The following DDHD2 variants were observed in gnomAD, a reference collection of about 807,000 sequenced individuals.
The protein encoded by DDHD2 is triacylglycerol hydrolase DDHD2.
DDHD2 carries 62 observed loss-of-function variants against 91.2 expected under a neutral mutation model. That is an observed-to-expected ratio of 0.68 (90% CI 0.55 to 0.84). The LOEUF is 0.84. DDHD2 is among the 40% of genes least tolerant of loss of function. DDHD2 has a pLI of 0.00. For missense variants in DDHD2, 740 were observed against 846.9 expected, an observed-to-expected ratio of 0.87 and a Z score of 1.57; for synonymous variants, 271 against 293.9, an observed-to-expected ratio of 0.92 and a Z score of 0.80.
In DDHD2 at chr8:38,258,196, T is replaced by A. The variant is rs16887292; in HGVS notation, c.2055-1844T>A. ...TCTTTGATTCAGATTCAGGTCCTTT[T>A]TTCCCCACGTCTCAACACTATTAAT... On this transcript the variant is annotated intron_variant, in intron 16 of 17. Coordinates refer to ENST00000397166, the MANE Select transcript of DDHD2 (RefSeq NM_015214.3). 9.2e-3 allele frequency among the ~76,000 whole-genome samples: 1,401 copies of A among 152,264 alleles called. 64 individuals carry two copies. In the East Asian group the frequency reaches 0.11, roughly 12 times the overall value.
intron 3 of DDHD2, among the ~76,000 whole-genome samples, chr8:38,236,548 T>G (rs1260397173): frequency 6.7e-6 from 1 of 150,334 alleles, no homozygotes; most frequent in Admixed American, 6.6e-5. Flanking sequence ...GGAGTTCCAC[T>G]CTTGTTTCCC....
intron 1 of DDHD2, chr8:38,269,870 T>A (rs1195597884): frequency 6.6e-6 from 1 of 152,196 alleles, no homozygotes; most frequent in African/African-American, 2.4e-5. Context: ...AAATATAATG[T>A]ACAAAAATTA....
At chr8:38,235,872 C>T (rs1283257414) in intron 3 of DDHD2, among the ~76,000 whole-genome samples, 3 of 91,648 alleles carry the variant, frequency 3.3e-5, no homozygotes, top group African/African-American at 1.1e-4. Flanking sequence ...AAAGTACACG[C>T]GCACACACAC....
Position 38,234,395 on chromosome 8 carries a change from A to G in DDHD2, c.222A>G (p.Gly74=). ...TTTCCCCTTTTCAATCCTTGAAAGG[A>G]AAAGGTTGTAATGGGAGAGTTGTTC... The part of the protein sequence containing the change: ...SQQLEEAYSS[G]KGCNGRVVPT... Residue 74 remains glycine (G), a splice_region_variant and synonymous_variant, in exon 3 of 18, where the codon GGA becomes GGG. Coordinates refer to ENST00000397166, the MANE Select transcript of DDHD2 (RefSeq NM_015214.3). 1 of 1,561,644 alleles carries G rather than the reference A, an allele frequency of 6.4e-7. No individual in the cohort carries two copies. The highest frequency in any genetic ancestry group is 8.6e-7 in the Non-Finnish European group (1 of 1,160,816).
rs745638591 is a variant in DDHD2, at chr8:38,245,907, C to T, written c.1014C>T (p.Asn338=). The T allele has an allele frequency of 1.7e-5, 27 of 1,613,906 alleles. No homozygotes were observed. Among genetic ancestry groups the T allele is most frequent in the Non-Finnish European group, 1.7e-6 (2 of 1,180,034 alleles). ...NRIYTLFLQR[N]PDFKGGVSIA... is the part of the protein sequence containing the mutation. ...TATACACACTTTTTCTACAGAGGAACCCTGATTTCAAAGGGGGTGTATCCA... is the reference window on the plus strand; with the variant it reads ...TATACACACTTTTTCTACAGAGGAATCCTGATTTCAAAGGGGGTGTATCCA... The change falls in exon 8 of 18, where the codon AAC becomes AAT. Residue 338 remains asparagine (N), a synonymous_variant. Transcript: ENST00000397166.
At chr8:38,252,851 T>A (rs758262429) in intron 14 of DDHD2, 27 bp downstream of exon 14, 3 of 1,611,432 alleles carry the variant, frequency 1.9e-6, no homozygotes, top group Non-Finnish European at 2.5e-6. Flanking sequence ...AACTTGATAA[T>A]TCTAGACCTT....
intron 1 of DDHD2, chr8:38,270,090 C>T (rs1014123273): frequency 6.6e-6 from 1 of 152,140 alleles, no homozygotes; most frequent in African/African-American, 2.4e-5. Flanking sequence ...AGTCATTATA[C>T]AGTAATGCCC....
At position 38,234,544 on chromosome 8, in the gene DDHD2, A is replaced by G; in HGVS notation, c.371A>G (p.Lys124Arg). The change falls in exon 3 of 18, where the codon AAG (lysine) becomes AGG (arginine). Residue 124 changes from lysine (K) to arginine (R), a missense_variant. Lys to Arg is a conservative substitution (Grantham distance 26). Around this residue, in one of 2 missense-constraint regions of DDHD2, gnomAD observed 693 missense variants for 764.2 expected, o/e 0.91. Transcript: ENST00000397166. ...TTTTACAAGGGGGACAAAGACAATA[A>G]GTATGTTCCCTACTCGGAGAGCTTC... is the stretch of plus-strand genomic sequence containing the variant. Reference protein sequence around the residue: ...TWFYKGDKDNKYVPYSESFSQ... With the variant: ...TWFYKGDKDNRYVPYSESFSQ... The G allele has an allele frequency of 6.2e-7, 1 of 1,612,416 alleles. No homozygotes were observed. The highest frequency in any genetic ancestry group is 8.5e-7 in the Non-Finnish European group (1 of 1,179,708).
intron 13 of DDHD2, among the ~76,000 whole-genome samples, 169 bp from the exon 14 acceptor site, chr8:38,252,553 G>A (rs2097292388): frequency 1.3e-5 from 2 of 151,362 alleles, no homozygotes; most frequent in Admixed American, 1.3e-4. Flanking sequence ...AAGGCAGGAG[G>A]ATTGCTTGAG....
At position 38,246,308 on chromosome 8, in the gene DDHD2, A is replaced by G. The variant is rs1805631235; in HGVS notation, c.1125+8A>G. ...GATATTGACAGTGAAAAGGTAATTT[A>G]GATGTTCAGCTAGGTTTTCTTGTAG... On this transcript the variant is annotated splice_region_variant and intron_variant, in intron 9 of 17. Coordinates refer to ENST00000397166, the MANE Select transcript of DDHD2 (RefSeq NM_015214.3). The G allele has an allele frequency of 1.3e-6, 2 of 1,597,346 alleles. No homozygotes were observed. Among genetic ancestry groups the G allele is most frequent in the Non-Finnish European group, 1.7e-6 (2 of 1,167,412 alleles).
intron 3 of DDHD2, among the ~76,000 whole-genome samples, chr8:38,234,821 G>A (rs1804579320): frequency 6.7e-6 from 1 of 149,782 alleles, no homozygotes; most frequent in Non-Finnish European, 1.5e-5. Flanking sequence ...AGGCTGGAGT[G>A]CAGTGGTGCG....
downstream of DDHD2, chr8:38,271,702 C>T (rs1293075184): frequency 6.6e-6 from 1 of 152,172 alleles, no homozygotes; most frequent in Non-Finnish European, 1.5e-5. Flanking sequence ...GATGCATCAG[C>T]CTTGTGAAAA....
intron 10 of DDHD2, among the ~76,000 whole-genome samples, chr8:38,248,372 T>C (rs1805818200): frequency 6.7e-6 from 1 of 148,312 alleles, no homozygotes; most frequent in South Asian, 2.1e-4. Flanking sequence ...GCTGATTTGT[T>C]TTTTTTTTTT....
At chr8:38,232,324 G>T (rs1350680588) in intron 1 of DDHD2, among the ~76,000 whole-genome samples, 1 of 152,262 alleles carries the variant, frequency 6.6e-6, no homozygotes, top group Non-Finnish European at 1.5e-5. Context: ...GAAACAGCTG[G>T]TCAGAGCCGC....
intron 6 of DDHD2, chr8:38,241,900 A>C (rs960404306): frequency 5.3e-6 from 1 of 187,674 alleles, no homozygotes; most frequent in South Asian, 1.1e-4. Context: ...CTAAAAATAC[A>C]AAAATTAGCT....
Position 38,260,909 on chromosome 8 carries a change from T to G in DDHD2, c.*336T>G, listed in dbSNP as rs1388429214. On this transcript the variant is annotated 3_prime_UTR_variant, in exon 18 of 18. Transcript: ENST00000397166. ...ACTTGACAGGGTGTAAAGCCTATTT[T>G]GGGTTTGATTTGTTTTGGGTGGGGT... 1 of 152,188 alleles carries G rather than the reference T, an allele frequency of 6.6e-6. No homozygotes were observed. The highest frequency in any genetic ancestry group is 1.5e-5 in the Non-Finnish European group (1 of 68,026). The allele number at this position is 152,188 out of a possible 1,614,324, so 9.4% of individuals were successfully genotyped here.
chr8:38,246,582 C>G (rs1019900445), intron 9 of DDHD2, among the ~76,000 whole-genome samples: 2 of 152,210 alleles, frequency 1.3e-5, no homozygotes, highest in African/African-American at 4.8e-5. Context: ...TGGCTCATGC[C>G]TGTAATCTCA....
At chr8:38,267,409 G>A (rs752218348), downstream of DDHD2, 3 of 1,609,430 alleles carry the variant, frequency 1.9e-6, no homozygotes, top group Non-Finnish European at 2.5e-6. Flanking sequence ...AAAGCAGCAT[G>A]GTTGGAACGT....
chr8:38,236,756 G>GT (rs1804800337), intron 3 of DDHD2, among the ~76,000 whole-genome samples: 1 of 152,056 alleles, frequency 6.6e-6, no homozygotes, highest in African/African-American at 2.4e-5. Flanking sequence ...CCAACCTCAG[G>GT]TGATCCACCC....
Sources: allele counts gnomAD v4.1 joint callset (sites outside exome capture counted in the v4.1 genomes callset), GRCh38; gene constraint gnomAD v4.1.1; regional missense constraint gnomAD v4.1.1; transcripts MANE v1.5; gene names NCBI Gene and HGNC (gene_info 2026-07-23, HGNC 2026-07-21).